CDH10: variants seen among roughly 807,000 people sequenced by gnomAD.
CDH10 encodes cadherin-10.
In CDH10, 30 loss-of-function variants were observed where a neutral mutation model predicts 73.1. That is an observed-to-expected ratio of 0.41 (90% CI 0.31 to 0.56). The LOEUF (loss-of-function observed/expected upper bound fraction) is 0.56, where lower values mean the gene tolerates loss of function less well. Among genes scored for constraint, CDH10 ranks in the 20% least tolerant of loss-of-function variants. The pLI, the probability that CDH10 is intolerant of heterozygous loss-of-function variation, is 0.27. For missense variants in CDH10, 815 were observed against 973.7 expected, an observed-to-expected ratio of 0.84 and a Z score of 2.17; for synonymous variants, 345 against 348.2, an observed-to-expected ratio of 0.99 and a Z score of 0.10.
intron 11 of CDH10, among the ~76,000 whole-genome samples, chr5:24,489,251 A>G (rs910110273): frequency 1.3e-5 from 2 of 152,090 alleles, no homozygotes; most frequent in Admixed American, 1.3e-4. Flanking sequence ...TATTATATGA[A>G]GGGATATTAA....
intron 2 of CDH10, among the ~76,000 whole-genome samples, chr5:24,572,694 C>T (rs1745431429): frequency 6.6e-6 from 1 of 151,664 alleles, no homozygotes; most frequent in Admixed American, 6.6e-5. Context: ...ATGTATGAGA[C>T]TAAAAGAGGA....
intron 2 of CDH10, among the ~76,000 whole-genome samples, chr5:24,571,124 C>A (rs936039499): frequency 7.2e-5 from 11 of 152,040 alleles, no homozygotes; most frequent in African/African-American, 2.4e-4. Flanking sequence ...TTACAGAGAA[C>A]CAATATTTTC....
chr5:24,636,166 A>G (rs2112208856), intron 1 of CDH10, among the ~76,000 whole-genome samples: 1 of 152,070 alleles, frequency 6.6e-6, no homozygotes. Flanking sequence ...GTTAGACACT[A>G]TAGTAATTGC....
chr5:24,493,076 T>C (rs1191692057), intron 9 of CDH10, 151 bp from the exon 10 acceptor site: 1 of 504,190 alleles, frequency 2.0e-6, no homozygotes, highest in Non-Finnish European at 3.5e-6. Context: ...CTTTTTAGTA[T>C]TACTTTGATT....
At chr5:24,541,293 T>A (rs10044893) in intron 2 of CDH10, among the ~76,000 whole-genome samples, 1,570 of 152,170 alleles carry the variant, frequency 0.01, 34 homozygotes, top group African/African-American at 0.035. Context: ...TTAGTTTTTT[T>A]AATTATCTCT....
intron 2 of CDH10, among the ~76,000 whole-genome samples, chr5:24,585,825 A>C (rs1428892357): frequency 6.6e-6 from 1 of 152,192 alleles, no homozygotes; most frequent in Non-Finnish European, 1.5e-5. Flanking sequence ...GTCCCTTCAG[A>C]AGCTCAGTTA....
At chr5:24,540,818 T>C (rs540998090) in intron 2 of CDH10, among the ~76,000 whole-genome samples, 1 of 151,942 alleles carries the variant, frequency 6.6e-6, no homozygotes, top group Non-Finnish European at 1.5e-5. Context: ...TTTGAGGGCA[T>C]GACATTAGCC....
intron 1 of CDH10, among the ~76,000 whole-genome samples, chr5:24,624,420 GAGAT>G (rs1204538770): frequency 1.8e-4 from 27 of 152,112 alleles, no homozygotes; most frequent in Admixed American, 7.2e-4. Flanking sequence ...CATGTACTAA[GAGAT>G]AGGAAAATTT....
At chr5:24,639,848 G>A (rs1482161279) in intron 1 of CDH10, among the ~76,000 whole-genome samples, 1 of 151,750 alleles carries the variant, frequency 6.6e-6, no homozygotes, top group East Asian at 1.9e-4. Flanking sequence ...AATAACTTAT[G>A]CATTGAGCAT....
chr5:24,510,575 T>C (rs1742865191), intron 6 of CDH10, among the ~76,000 whole-genome samples: 1 of 152,226 alleles, frequency 6.6e-6, no homozygotes, highest in Non-Finnish European at 1.5e-5. Context: ...ACTGCTGCTG[T>C]CTGGTCTGAA....
At chr5:24,511,978 T>G (rs1742931403) in intron 5 of CDH10, among the ~76,000 whole-genome samples, 1 of 152,048 alleles carries the variant, frequency 6.6e-6, no homozygotes, top group African/African-American at 2.4e-5. Flanking sequence ...CACTGGGGCC[T>G]ACTTGAGGCT....
At chr5:24,579,482 A>G (rs755774564) in intron 2 of CDH10, among the ~76,000 whole-genome samples, 1 of 152,100 alleles carries the variant, frequency 6.6e-6, no homozygotes, top group Non-Finnish European at 1.5e-5. Flanking sequence ...GTTTGCTCAC[A>G]TGTGCTTTCT....
chr5:24,607,722 C>T (rs1191551883), intron 1 of CDH10, among the ~76,000 whole-genome samples: 9 of 152,202 alleles, frequency 5.9e-5, no homozygotes, highest in East Asian at 5.8e-4. Context: ...TTATGTATTA[C>T]TCACAGAGCA....
intron 7 of CDH10, 144 bp downstream of exon 7, chr5:24,509,422 G>A: frequency 1.6e-6 from 1 of 620,910 alleles, no homozygotes; most frequent in Non-Finnish European, 2.8e-6. Context: ...TGTATCTTTA[G>A]TAGAGACAGG....
chr5:24,642,305 T>C (rs1245795108), intron 1 of CDH10, among the ~76,000 whole-genome samples: 1 of 152,092 alleles, frequency 6.6e-6, no homozygotes, highest in African/African-American at 2.4e-5. Flanking sequence ...ACATAGGAAA[T>C]CAGTCATAAG....
At chr5:24,499,221 C>T (rs1742402227) in intron 8 of CDH10, 1 of 152,570 alleles carries the variant, frequency 6.6e-6, no homozygotes, top group Admixed American at 6.5e-5. Flanking sequence ...TATGAAGATT[C>T]ACATATTTTA....
chr5:24,602,456 C>A (rs1376000138), intron 1 of CDH10, among the ~76,000 whole-genome samples: 1 of 152,080 alleles, frequency 6.6e-6, no homozygotes, highest in Non-Finnish European at 1.5e-5. Flanking sequence ...TCCTGTCTTC[C>A]TTGGATAGCT....
At chr5:24,628,459 G>A (rs909773809) in intron 1 of CDH10, among the ~76,000 whole-genome samples, 5 of 152,086 alleles carry the variant, frequency 3.3e-5, no homozygotes, top group Non-Finnish European at 7.4e-5. Flanking sequence ...TAGGAGTGGA[G>A]AACAGTTTAA....
chr5:24,511,907 A>G (rs923326547), intron 5 of CDH10, among the ~76,000 whole-genome samples: 2 of 152,192 alleles, frequency 1.3e-5, no homozygotes, highest in Non-Finnish European at 2.9e-5. Context: ...GTCACACGTT[A>G]TCACTCATAA....
Sources: allele counts gnomAD v4.1 joint callset (sites outside exome capture counted in the v4.1 genomes callset), GRCh38; gene constraint gnomAD v4.1.1; transcripts MANE v1.5; gene names NCBI Gene and HGNC (gene_info 2026-07-23, HGNC 2026-07-21).